Variants in COL12A1 observed in about 807,000 individuals in gnomAD.
COL12A1 encodes collagen type XII alpha 1 chain.
A neutral mutation model predicts 349.7 loss-of-function variants in COL12A1; 114 were observed. The observed-to-expected ratio is 0.33, with a 90% CI of 0.28 to 0.38. The LOEUF (loss-of-function observed/expected upper bound fraction) is 0.38, where lower values mean the gene tolerates loss of function less well. Ranked by LOEUF, COL12A1 falls within the 10% of genes least tolerant of loss-of-function variation. The pLI, the probability that COL12A1 is intolerant of heterozygous loss-of-function variation, is 1.00. For synonymous variants in COL12A1, 1,369 were observed against 1,329.0 expected (o/e 1.03, Z -0.66); for missense variants, 3,284 against 3,756.9 (o/e 0.87, Z 3.29).
chr6:75,113,796 G>C (rs1768952625), intron 49 of COL12A1, 52 bp from the exon 50 acceptor site: 1 of 1,383,026 alleles, frequency 7.2e-7, no homozygotes, highest in Non-Finnish European at 9.8e-7. Flanking sequence ...AAAAAGAAAG[G>C]AAGAAAGAAA....
At chr6:75,124,484 G>GTA (rs781423179) in intron 40 of COL12A1, 113 bp from the exon 41 acceptor site, 1 of 700,004 alleles carries the variant, frequency 1.4e-6, no homozygotes, top group Non-Finnish European at 2.3e-6. Flanking sequence ...GTTCAAAATT[G>GTA]TATTATGTTT....
At chr6:75,116,558 G>A (rs945312209) in intron 47 of COL12A1, among the ~76,000 whole-genome samples, 10 of 152,126 alleles carry the variant, frequency 6.6e-5, no homozygotes, top group Middle Eastern at 3.4e-3. Flanking sequence ...GGACTACTTG[G>A]GACAGAAGAG....
chr6:75,154,418 G>A lies in COL12A1; in HGVS notation c.3563C>T (p.Ser1188Phe), dbSNP rs370106895. The stretch of plus-strand genomic sequence containing the variant: ...AGGAATGTAACTCAATTTCTTACCA[G>A]AAGATAAAATTGGCATAACAGTTGT... ...SDTTVMPILS[S>F]GMECLTRAEA... Residue 1188 changes from serine to phenylalanine, a missense_variant and splice_region_variant, in exon 17 of 66, where the codon TCT (serine) becomes TTT (phenylalanine). This residue lies in a region of COL12A1 where 2,601 missense variants were observed against 2,824.8 expected (regional missense o/e 0.92). Coordinates refer to ENST00000322507, the MANE Select transcript of COL12A1 (RefSeq NM_004370.6). 3 of 1,610,886 alleles carry A rather than the reference G, an allele frequency of 1.9e-6. No homozygotes were observed. The highest frequency in any genetic ancestry group is 2.5e-6 in the Non-Finnish European group (3 of 1,178,280).
In COL12A1 at chr6:75,183,259, G is replaced by T. The variant is rs1344964508; in HGVS notation, c.1682C>A (p.Ala561Glu). ...AACATCTGAATTCCTCAGTTTTATCGCAGGATCTCTGAAAGCATCTGATGA... is the reference window on the plus strand; with the variant it reads ...AACATCTGAATTCCTCAGTTTTATCTCAGGATCTCTGAAAGCATCTGATGA... ...GKSSDAFRDP[A>E]IKLRNSDVEI... is the part of the protein sequence containing the mutation. Residue 561 changes from alanine to glutamate, a missense_variant, in exon 10 of 66, where the codon GCG (alanine) becomes GAG (glutamate). Ala to Glu is a moderately radical substitution (Grantham distance 107). Transcript: ENST00000322507. The T allele has an allele frequency of 3.1e-6, 5 of 1,614,098 alleles. No individual in the cohort carries two copies. Among genetic ancestry groups the T allele is most frequent in the East Asian group, 4.5e-5 (2 of 44,878 alleles).
chr6:75,158,198 C>G (rs1767854055), intron 14 of COL12A1, among the ~76,000 whole-genome samples: 1 of 152,262 alleles, frequency 6.6e-6, no homozygotes. Flanking sequence ...AATGTGATGA[C>G]ATTTAAACAT....
chr6:75,127,655 C>A (rs949615914), intron 38 of COL12A1, among the ~76,000 whole-genome samples: 1 of 152,130 alleles, frequency 6.6e-6, no homozygotes, highest in Admixed American at 6.6e-5. Flanking sequence ...CACATAGTTA[C>A]ATCAGTATCT....
At chr6:75,132,154 A>G (rs970224959) in intron 34 of COL12A1, 72 bp from the exon 35 acceptor site, 35 of 1,533,808 alleles carry the variant, frequency 2.3e-5, no homozygotes, top group Non-Finnish European at 3.1e-5. Flanking sequence ...TCACTTTTCC[A>G]GAACCTACAT....
intron 62 of COL12A1, 60 bp downstream of exon 62, chr6:75,091,263 T>C: frequency 7.1e-7 from 1 of 1,399,308 alleles, no homozygotes; most frequent in East Asian, 2.3e-5. Flanking sequence ...ACTCAAACTC[T>C]GCATTTTCCT....
rs186423220 is a variant in COL12A1 at position 75,160,459 on chromosome 6, C to A, written c.2984-3936G>T. On this transcript the variant is annotated intron_variant, in intron 14 of 65. Transcript: ENST00000322507. ...TGGGCTCGGGTTTCTGCTGAGTTAT[C>A]CACACCTTAGGATTCCTCTACCATC... 1.9e-4 allele frequency among the ~76,000 whole-genome samples: 29 copies of A among 152,314 alleles called. 1 individual carries two copies. In the East Asian group the frequency reaches 4.0e-3, roughly 21 times the overall value.
intron 25 of COL12A1, among the ~76,000 whole-genome samples, chr6:75,144,146 C>T (rs537968634): frequency 8.5e-4 from 129 of 152,242 alleles, no homozygotes; most frequent in African/African-American, 3.0e-3. Flanking sequence ...CTCTGCCCTC[C>T]ATTCCTCTAC....
intron 8 of COL12A1, 116 bp from the exon 9 acceptor site, chr6:75,184,260 A>C: frequency 8.6e-7 from 1 of 1,166,718 alleles, no homozygotes; most frequent in African/African-American, 1.5e-5. Context: ...ATACATTGAA[A>C]AGAGTTGCCC....
At chr6:75,091,227 G>T in intron 62 of COL12A1, 96 bp downstream of exon 62, 2 of 989,974 alleles carry the variant, frequency 2.0e-6, no homozygotes, top group South Asian at 3.0e-5. Context: ...AAATGAAAGA[G>T]AAATCTATCT....
chr6:75,156,743 A>C (rs929857777), intron 14 of COL12A1, among the ~76,000 whole-genome samples: 2 of 152,240 alleles, frequency 1.3e-5, no homozygotes, highest in Admixed American at 6.5e-5. Flanking sequence ...ATACTAAAAA[A>C]TGGAAGTTCA....
At chr6:75,203,804 G>T (rs548796339) in intron 1 of COL12A1, among the ~76,000 whole-genome samples, 1 of 152,330 alleles carries the variant, frequency 6.6e-6, no homozygotes, top group African/African-American at 2.4e-5. Context: ...GAACTGAACT[G>T]GGAAGTTGCC....
At position 75,130,079 on chromosome 6, in the gene COL12A1, T is replaced by C. The variant is rs1466575320; in HGVS notation, c.6210+12A>G. The C allele has an allele frequency of 6.2e-7, 1 of 1,612,014 alleles. No individual in the cohort carries two copies. The highest frequency in any genetic ancestry group is 1.1e-5 in the South Asian group (1 of 90,802). ...ATGATAAAATGTGCCAATAAATGAG[T>C]ATCAGACTTACATATTCATCAATTG... On this transcript the variant is annotated intron_variant, in intron 37 of 65. Transcript: ENST00000322507.
At position 75,105,304 on chromosome 6, in the gene COL12A1, A is replaced by G. The variant is rs1030461320; in HGVS notation, c.8179-12T>C. 4.4e-6 allele frequency: 7 copies of G among 1,608,568 alleles called. No individual in the cohort carries two copies. The highest frequency in any genetic ancestry group is 5.1e-6 in the Non-Finnish European group (6 of 1,175,768). On this transcript the variant is annotated splice_polypyrimidine_tract_variant and intron_variant, in intron 53 of 65. Transcript: ENST00000322507. ...TTTCCCTCATCTCTCTGAAATTTTG[A>G]AAAGAATATTTACCTTTAAATTTAG...
intron 60 of COL12A1, among the ~76,000 whole-genome samples, chr6:75,092,073 A>G (rs1038690822): frequency 8.5e-5 from 13 of 152,176 alleles, no homozygotes; most frequent in African/African-American, 3.1e-4. Context: ...GCTGGAAACC[A>G]TCATTCTCGG....
chr6:75,098,709 G>A (rs933915785), intron 58 of COL12A1, among the ~76,000 whole-genome samples: 2 of 152,164 alleles, frequency 1.3e-5, no homozygotes, highest in African/African-American at 4.8e-5. Context: ...TCAAAAGAGA[G>A]GAAATCCTCA....
chr6:75,164,612 A>G (rs1471524503), intron 14 of COL12A1, among the ~76,000 whole-genome samples: 1 of 152,172 alleles, frequency 6.6e-6, no homozygotes, highest in Non-Finnish European at 1.5e-5. Context: ...ACAGAGATTG[A>G]GCAGAAGGTA....
Sources: gnomAD v4.1 joint callset for allele counts (sites outside exome capture counted in the v4.1 genomes callset) on GRCh38, gnomAD v4.1.1 for gene constraint, gnomAD v4.1.1 regional missense constraint, MANE v1.5 for transcripts, NCBI Gene and HGNC (gene_info 2026-07-23, HGNC 2026-07-21) for gene names.